CRYL1: variants seen among roughly 807,000 people sequenced by gnomAD.
CRYL1 encodes crystallin lambda 1.
CRYL1 carries 29 observed loss-of-function variants against 36.6 expected under a neutral mutation model. That is an observed-to-expected ratio of 0.79 (90% CI 0.59 to 1.08). The LOEUF (loss-of-function observed/expected upper bound fraction) is 1.08, where lower values mean the gene tolerates loss of function less well. CRYL1 is among the 50% of genes least tolerant of loss of function. CRYL1 has a pLI of 0.00. For synonymous variants in CRYL1, 152 were observed against 151.5 expected (o/e 1.00, Z -0.02); for missense variants, 411 against 407.9 (o/e 1.01, Z -0.06).
At chr13:20,489,935 T>C (rs187631201) in intron 2 of CRYL1, among the ~76,000 whole-genome samples, 24 of 152,290 alleles carry the variant, frequency 1.6e-4, no homozygotes, top group Admixed American at 3.9e-4. Flanking sequence ...ACATGGTACA[T>C]ACACACAACA....
chr13:20,431,263 G>C (rs1377503345), intron 5 of CRYL1: 1 of 985,318 alleles, frequency 1.0e-6, no homozygotes, highest in Admixed American at 6.1e-5. Flanking sequence ...TCCAAACAAG[G>C]AACTGTGGAG....
At chr13:20,405,276 A>G (rs2137358254) in intron 6 of CRYL1, among the ~76,000 whole-genome samples, 1 of 152,168 alleles carries the variant, frequency 6.6e-6, no homozygotes, top group East Asian at 1.9e-4. Context: ...GTCTCAAAAA[A>G]AAAAAAAAAG....
At chr13:20,507,787 G>A (rs188104906) in intron 2 of CRYL1, among the ~76,000 whole-genome samples, 56 of 152,012 alleles carry the variant, frequency 3.7e-4, no homozygotes, top group Non-Finnish European at 5.6e-4. Flanking sequence ...GCGTGGTGGC[G>A]AGCACCTGTA....
At chr13:20,464,088 G>C (rs1356373800) in intron 3 of CRYL1, among the ~76,000 whole-genome samples, 1 of 152,198 alleles carries the variant, frequency 6.6e-6, no homozygotes, top group Non-Finnish European at 1.5e-5. Context: ...AATCAGACCA[G>C]ATCTCAAAAA....
At chr13:20,518,644 A>G (rs2137519575) in intron 1 of CRYL1, among the ~76,000 whole-genome samples, 1 of 152,288 alleles carries the variant, frequency 6.6e-6, no homozygotes, top group Non-Finnish European at 1.5e-5. Context: ...TTAAAGGGAC[A>G]TTCTAGTTGT....
chr13:20,419,924 C>G (rs1565957848), intron 5 of CRYL1, among the ~76,000 whole-genome samples: 1 of 152,196 alleles, frequency 6.6e-6, no homozygotes, highest in South Asian at 2.1e-4. Flanking sequence ...TGGTTCCCAC[C>G]CACGCCACCT....
intron 1 of CRYL1, among the ~76,000 whole-genome samples, chr13:20,523,723 G>C (rs1362692327): frequency 6.6e-6 from 1 of 152,012 alleles, no homozygotes; most frequent in African/African-American, 2.4e-5. Flanking sequence ...GTGGGGGAAA[G>C]ACAAGATTTT....
chr13:20,511,166 C>G (rs2137508224), intron 2 of CRYL1, among the ~76,000 whole-genome samples: 1 of 152,184 alleles, frequency 6.6e-6, no homozygotes, highest in African/African-American at 2.4e-5. Context: ...CTCACTGTAG[C>G]CTGGAACTAC....
intron 3 of CRYL1, among the ~76,000 whole-genome samples, chr13:20,463,733 C>A (rs796246733): frequency 2.6e-5 from 4 of 152,254 alleles, no homozygotes; most frequent in African/African-American, 9.6e-5. Context: ...ACTAAATAAT[C>A]TGATGATACC....
chr13:20,450,857 T>TAC (rs1358399915), intron 3 of CRYL1, among the ~76,000 whole-genome samples: 1 of 152,010 alleles, frequency 6.6e-6, no homozygotes, highest in Non-Finnish European at 1.5e-5. Flanking sequence ...GTGGCACATA[T>TAC]ACACCATGGA....
intron 6 of CRYL1, among the ~76,000 whole-genome samples, chr13:20,405,087 T>A (rs949570048): frequency 6.6e-6 from 1 of 152,168 alleles, no homozygotes; most frequent in Non-Finnish European, 1.5e-5. Context: ...CTAGCCAACA[T>A]GGTGAAACCC....
At chr13:20,463,300 T>C (rs2032868914) in intron 3 of CRYL1, among the ~76,000 whole-genome samples, 1 of 152,236 alleles carries the variant, frequency 6.6e-6, no homozygotes, top group African/African-American at 2.4e-5. Context: ...TATTGATGCT[T>C]GAGTTTTTTC....
chr13:20,478,638 A>G lies in CRYL1; in HGVS notation c.276+10732T>C, dbSNP rs894854192. ...TCACAGGCATGCACCACCATGCCATACTAATTTTTTGTATTTTTGGTAGAG... is the reference window on the plus strand; with the variant it reads ...TCACAGGCATGCACCACCATGCCATGCTAATTTTTTGTATTTTTGGTAGAG... On this transcript the variant is annotated intron_variant, in intron 3 of 7. Coordinates refer to ENST00000298248, the MANE Select transcript of CRYL1 (RefSeq NM_015974.3). Among the ~76,000 whole-genome samples the G allele has an allele frequency of 1.1e-4, 17 of 151,332 alleles. No individual in the cohort carries two copies. In the East Asian group the frequency reaches 2.5e-3, roughly 23 times the overall value.
At chr13:20,510,817 T>C (rs918825015) in intron 2 of CRYL1, among the ~76,000 whole-genome samples, 1 of 152,028 alleles carries the variant, frequency 6.6e-6, no homozygotes, top group African/African-American at 2.4e-5. Context: ...TTCACCATGT[T>C]GCTTAGGGTG....
chr13:20,464,067 G>A (rs1449941209), intron 3 of CRYL1, among the ~76,000 whole-genome samples: 2 of 152,218 alleles, frequency 1.3e-5, no homozygotes. Flanking sequence ...ATAAAAAGGT[G>A]TTAATGTGTC....
chr13:20,499,751 T>A lies in CRYL1; in HGVS notation c.150-10255A>T, dbSNP rs557935991. ...GATGTGTTGTCAATGTGTTCCAGGA[T>A]TATATTAGATTCTTATAATTCTGAT... On this transcript the variant is annotated intron_variant, in intron 2 of 7. Transcript: ENST00000298248. 1.8e-4 allele frequency among the ~76,000 whole-genome samples: 28 copies of A among 152,340 alleles called. 1 individual carries two copies. The highest frequency in any genetic ancestry group is 1.6e-3 in the Admixed American group (24 of 15,308).
Position 20,439,514 on chromosome 13 carries a change from C to CAAAAAAAAAAAAAAAAAAAAAAAAAA in CRYL1, c.438+78_438+79insTTTTTTTTTTTTTTTTTTTTTTTTTT, listed in dbSNP as rs56087130. Reference sequence around the variant, plus strand: ...ACAAGTTATTGACCCCCCTCCCCCGCAAAAAAAAAAAAAAAAGAAAAAAAA... The same window carrying CAAAAAAAAAAAAAAAAAAAAAAAAAA: ...ACAAGTTATTGACCCCCCTCCCCCGCAAAAAAAAAAAAAAAAAAAAAAAAAAAAAAAAAAAAAAAAAAGAAAAAAAA... On this transcript the variant is annotated intron_variant, in intron 4 of 7. Transcript: ENST00000298248. The CAAAAAAAAAAAAAAAAAAAAAAAAAA allele has an allele frequency of 5.8e-4, 194 of 331,786 alleles. 5 individuals carry two copies. Among genetic ancestry groups the CAAAAAAAAAAAAAAAAAAAAAAAAAA allele is most frequent in the East Asian group, 1.9e-3 (22 of 11,864 alleles). The allele number at this position is 331,786 out of a possible 1,614,324, so 20.6% of individuals were successfully genotyped here.
Position 20,432,149 on chromosome 13 carries a change from T to A in CRYL1, c.586A>T (p.Asn196Tyr). ...VQKEVAGFVL[N>Y]RLQYAIISEA... is the part of the protein sequence containing the mutation. ...CTGATGATTGCATATTGCAGGCGGT[T>A]CAGAACGAAGCCGGCCACCTCCTTC... Residue 196 changes from asparagine to tyrosine, a missense_variant, in exon 5 of 8, where the codon AAC (asparagine) becomes TAC (tyrosine). Physicochemically the swap from Asn to Tyr is moderately radical, Grantham distance 143. Coordinates refer to ENST00000298248, the MANE Select transcript of CRYL1 (RefSeq NM_015974.3). The A allele has an allele frequency of 6.2e-7, 1 of 1,614,122 alleles. No homozygotes were observed. The highest frequency in any genetic ancestry group is 2.2e-5 in the East Asian group (1 of 44,882).
At chr13:20,439,464 C>T (rs1431989054) in intron 4 of CRYL1, 129 bp downstream of exon 4, 12 of 729,044 alleles carry the variant, frequency 1.6e-5, no homozygotes, top group South Asian at 6.2e-5. Flanking sequence ...TCAATAAAGC[C>T]GTTTAAAAGA....
Sources: allele counts gnomAD v4.1 joint callset (sites outside exome capture counted in the v4.1 genomes callset), GRCh38; gene constraint gnomAD v4.1.1; transcripts MANE v1.5; gene names NCBI Gene and HGNC (gene_info 2026-07-23, HGNC 2026-07-21).